The following FAM107B variants were observed in gnomAD, a reference collection of about 807,000 sequenced individuals.
The protein encoded by FAM107B is family with sequence similarity 107 member B.
FAM107B carries 21 observed loss-of-function variants against 31.5 expected under a neutral mutation model. That is an observed-to-expected ratio of 0.67 (90% confidence interval 0.47 to 0.96). The LOEUF (loss-of-function observed/expected upper bound fraction) is 0.96. Among genes scored for constraint, FAM107B ranks in the 40% least tolerant of loss-of-function variants. The probability of loss-of-function intolerance (pLI) is 0.00; values close to 1 mark genes in which losing one functional copy is unlikely to be tolerated. For missense variants in FAM107B, 452 were observed against 377.1 expected (o/e 1.20, Z -1.64); for synonymous variants, 157 against 141.5 (o/e 1.11, Z -0.78).
intron 3 of FAM107B, among the ~76,000 whole-genome samples, chr10:14,522,439 A>G (rs11259152): frequency 0.12 from 17,914 of 150,256 alleles, 1,178 homozygotes; most frequent in Non-Finnish European, 0.16. Flanking sequence ...TCTGAGACAG[A>G]GTCTCACTCT....
intron 2 of FAM107B, among the ~76,000 whole-genome samples, chr10:14,619,802 T>C (rs1201771352): frequency 6.6e-6 from 1 of 151,774 alleles, no homozygotes; most frequent in Non-Finnish European, 1.5e-5. Flanking sequence ...GTTTTTGCTC[T>C]TACATTTAGG....
chr10:14,644,571 A>G (rs1853707005), intron 2 of FAM107B, among the ~76,000 whole-genome samples: 1 of 152,230 alleles, frequency 6.6e-6, no homozygotes, highest in East Asian at 1.9e-4. Flanking sequence ...TGAAAATATC[A>G]TCTTGGTTTT....
At chr10:14,750,421 G>A (rs561796183) in intron 1 of FAM107B, among the ~76,000 whole-genome samples, 1 of 152,296 alleles carries the variant, frequency 6.6e-6, no homozygotes, top group South Asian at 2.1e-4. Context: ...AGACCAGCCT[G>A]GCCAACATGG....
chr10:14,701,730 A>G (rs1016703694), intron 1 of FAM107B, among the ~76,000 whole-genome samples: 1 of 151,910 alleles, frequency 6.6e-6, no homozygotes, highest in Non-Finnish European at 1.5e-5. Flanking sequence ...TTTTTTTCCA[A>G]CAAAAAGCAT....
intron 2 of FAM107B, among the ~76,000 whole-genome samples, chr10:14,648,103 G>T (rs962370753): frequency 6.6e-6 from 1 of 151,768 alleles, no homozygotes; most frequent in African/African-American, 2.4e-5. Context: ...CAATTAAAAT[G>T]ATCTCAGTCA....
At chr10:14,579,395 G>A (rs192565802) in intron 2 of FAM107B, among the ~76,000 whole-genome samples, 43 of 152,328 alleles carry the variant, frequency 2.8e-4, no homozygotes, top group Admixed American at 4.6e-4. Flanking sequence ...CCCGGTTGCT[G>A]TAAAGCAGTG....
chr10:14,589,535 T>A (rs1250982860), intron 2 of FAM107B, among the ~76,000 whole-genome samples: 1 of 152,184 alleles, frequency 6.6e-6, no homozygotes, highest in Non-Finnish European at 1.5e-5. Flanking sequence ...AATAAGGCAT[T>A]CCTTTAACAC....
At chr10:14,535,380 G>A (rs982554278) in intron 2 of FAM107B, among the ~76,000 whole-genome samples, 35 of 152,168 alleles carry the variant, frequency 2.3e-4, no homozygotes, top group African/African-American at 6.5e-4. Flanking sequence ...GAACTCAATA[G>A]AAGCTATTAT....
intron 1 of FAM107B, among the ~76,000 whole-genome samples, chr10:14,759,447 G>C (rs1477456837): frequency 1.3e-5 from 2 of 152,066 alleles, no homozygotes; most frequent in Non-Finnish European, 2.9e-5. Flanking sequence ...GCCCTCTCCT[G>C]GGCTGCCAGG....
chr10:14,665,524 C>G (rs894741508), intron 2 of FAM107B, among the ~76,000 whole-genome samples: 1 of 152,208 alleles, frequency 6.6e-6, no homozygotes, highest in East Asian at 1.9e-4. Flanking sequence ...ATAACAGCAG[C>G]TGGGAAATTC....
rs752529509 is a variant in FAM107B at position 14,685,313 on chromosome 10, TA to T, written c.412-17623del. ...ACAGGTATGTACCACCATGACCCGC[TA>T]ATTTTTAAATTTTTGGTAGAGACGA... On this transcript the variant is annotated intron_variant, in intron 1 of 4. Coordinates refer to ENST00000181796, the MANE Select transcript of FAM107B (RefSeq NM_031453.4). 4.3e-4 allele frequency among the ~76,000 whole-genome samples: 66 copies of T among 151,908 alleles called. 1 individual carries two copies. The highest frequency in any genetic ancestry group is 3.8e-3 in the Admixed American group (58 of 15,252).
chr10:14,756,475 T>C (rs1832933270), intron 1 of FAM107B, among the ~76,000 whole-genome samples: 2 of 152,152 alleles, frequency 1.3e-5, no homozygotes, highest in Admixed American at 1.3e-4. Flanking sequence ...GAAGAAAGAC[T>C]GGGGTTTCCC....
At chr10:14,711,847 T>C (rs1274614109) in intron 1 of FAM107B, among the ~76,000 whole-genome samples, 2 of 152,216 alleles carry the variant, frequency 1.3e-5, no homozygotes, top group Non-Finnish European at 2.9e-5. Flanking sequence ...TTTCACCATG[T>C]TGGCCAGGCT....
At chr10:14,748,588 A>G (rs1832770850) in intron 1 of FAM107B, among the ~76,000 whole-genome samples, 1 of 152,238 alleles carries the variant, frequency 6.6e-6, no homozygotes, top group South Asian at 2.1e-4. Flanking sequence ...AGTGGCCACT[A>G]AGCAAATTTG....
chr10:14,573,576 C>CAAAAAAAAAAAA (rs774786735), intron 2 of FAM107B, among the ~76,000 whole-genome samples: 11 of 121,864 alleles, frequency 9.0e-5, no homozygotes, highest in Non-Finnish European at 1.3e-4. Context: ...ATTAAAAATA[C>CAAAAAAAAAAAA]AAAAAAAAAA....
At chr10:14,604,338 G>A in intron 2 of FAM107B, 1 of 826,812 alleles carries the variant, frequency 1.2e-6, no homozygotes. Context: ...GCCCGAGGCG[G>A]CGCGAGGGCG....
At chr10:14,629,859 T>C (rs981250370) in intron 2 of FAM107B, among the ~76,000 whole-genome samples, 2 of 152,098 alleles carry the variant, frequency 1.3e-5, no homozygotes, top group Admixed American at 6.6e-5. Context: ...TGGCATAATA[T>C]GATATAAATT....
chr10:14,761,960 A>G (rs1240704741), intron 1 of FAM107B, among the ~76,000 whole-genome samples: 1 of 152,128 alleles, frequency 6.6e-6, no homozygotes, highest in Non-Finnish European at 1.5e-5. Flanking sequence ...GAGACTTCCC[A>G]GGGGTAGTTA....
intron 1 of FAM107B, among the ~76,000 whole-genome samples, chr10:14,686,627 T>G (rs1441997969): frequency 6.6e-6 from 1 of 152,204 alleles, no homozygotes; most frequent in Non-Finnish European, 1.5e-5. Context: ...TTGGTAAACC[T>G]ACATTTTTCT....
Sources: allele counts gnomAD v4.1 joint callset (sites outside exome capture counted in the v4.1 genomes callset), GRCh38; gene constraint gnomAD v4.1.1; transcripts MANE v1.5; gene names NCBI Gene and HGNC (gene_info 2026-07-23, HGNC 2026-07-21).